Variants in BTF3L4 observed in about 807,000 individuals in gnomAD.
BTF3L4 encodes the protein transcription factor BTF3 homolog 4.
Under a neutral mutation model 16.8 loss-of-function variants are expected in BTF3L4, and 6 were observed. The observed-to-expected ratio is 0.36, with a 90% confidence interval of 0.20 to 0.71. BTF3L4 has a LOEUF of 0.71. Ranked by LOEUF, BTF3L4 falls within the 30% of genes least tolerant of loss-of-function variation. The pLI is 0.58. For missense variants in BTF3L4, 92 were observed against 186.9 expected (o/e 0.49, Z 2.96); for synonymous variants, 39 against 59.8 (o/e 0.65, Z 1.60).
intron 3 of BTF3L4, among the ~76,000 whole-genome samples, chr1:52,066,497 C>G (rs903319787): frequency 3.3e-5 from 5 of 151,420 alleles, no homozygotes; most frequent in South Asian, 2.1e-4. Context: ...CCACTGCACC[C>G]AGCCAGTTCC....
At chr1:52,081,440 A>G (rs1643921101) in intron 3 of BTF3L4, among the ~76,000 whole-genome samples, 2 of 152,190 alleles carry the variant, frequency 1.3e-5, no homozygotes, top group South Asian at 2.1e-4. Flanking sequence ...CCTCTTTTAA[A>G]CCACGTGATT....
rs866759041 is a variant in BTF3L4 at position 52,069,258 on chromosome 1, C to T, written c.168+4320C>T. On this transcript the variant is annotated intron_variant, in intron 3 of 5. Transcript: ENST00000313334. ...AGTTTTACTTTTTGTTCTTCTTTCC[C>T]TCTTTCTAAAATTGATTTTTTGAGA... Among the ~76,000 whole-genome samples the T allele has an allele frequency of 2.1e-4, 32 of 152,134 alleles. No individual in the cohort carries two copies. In the Middle Eastern group the frequency reaches 0.01, roughly 49 times the overall value.
chr1:52,083,255 C>T, intron 3 of BTF3L4, 85 bp from the exon 4 acceptor site: 1 of 1,137,168 alleles, frequency 8.8e-7, no homozygotes, highest in Non-Finnish European at 1.3e-6. Context: ...AGTAAAGAAC[C>T]ATAATTGGCT....
chr1:52,067,641 C>A (rs1242210062), intron 3 of BTF3L4, among the ~76,000 whole-genome samples: 1 of 152,124 alleles, frequency 6.6e-6, no homozygotes, highest in Non-Finnish European at 1.5e-5. Flanking sequence ...TTTTAAAAAT[C>A]TAAAACTTGG....
intron 3 of BTF3L4, among the ~76,000 whole-genome samples, chr1:52,074,131 C>T (rs1263381836): frequency 6.6e-6 from 1 of 151,756 alleles, no homozygotes; most frequent in African/African-American, 2.4e-5. Context: ...CACCACTGCA[C>T]TTCCAGCCTG....
At chr1:52,086,007 C>A in intron 4 of BTF3L4, 105 bp from the exon 5 acceptor site, 2 of 609,338 alleles carry the variant, frequency 3.3e-6, no homozygotes, top group Non-Finnish European at 5.2e-6. Context: ...TTAGCTATTT[C>A]TGAGCAACTC....
rs926560878 is a variant in BTF3L4, at chr1:52,090,081, C to T, written c.*3323C>T. 3 of 152,178 alleles carry T rather than the reference C, an allele frequency of 2.0e-5. No individual in the cohort carries two copies. The highest frequency in any genetic ancestry group is 4.4e-5 in the Non-Finnish European group (3 of 68,042). 9.4% of individuals were successfully genotyped at this position (152,178 alleles called of 1,614,324 possible). ...TCTGCTATCTACCCTTACATTGTAA[C>T]CTTTCTGACAGGGCTGCTGCGGTGC... On this transcript the variant is annotated 3_prime_UTR_variant, in exon 6 of 6. Transcript: ENST00000313334.
intron 1 of BTF3L4, among the ~76,000 whole-genome samples, chr1:52,057,334 A>G (rs1444549223): frequency 1.3e-5 from 2 of 152,248 alleles, no homozygotes; most frequent in Non-Finnish European, 2.9e-5. Flanking sequence ...AAACCTGTTT[A>G]CACCCTTTCT....
At chr1:52,082,262 A>G (rs1643931423) in intron 3 of BTF3L4, among the ~76,000 whole-genome samples, 1 of 152,244 alleles carries the variant, frequency 6.6e-6, no homozygotes, top group South Asian at 2.1e-4. Context: ...GTCCCAGGCA[A>G]TGGATGAAAT....
chr1:52,079,911 G>T lies in BTF3L4; in HGVS notation c.169-3429G>T, dbSNP rs1199697631. 9.1e-5 allele frequency among the ~76,000 whole-genome samples: 12 copies of T among 132,316 alleles called. No homozygotes were observed. The East Asian group carries it at 1.1e-3, about 12-fold the overall frequency. The allele number at this position is 132,316 out of a possible 152,430, so 86.8% of individuals were successfully genotyped here. A position where few individuals can be genotyped will look rare whatever the true frequency, so the allele number is the denominator to read the frequency against. ...TTTTGAGACAGGGTCTCGCTCTGTC[G>T]CCCAGGCTAGAGTGCAATGGCATGA... On this transcript the variant is annotated intron_variant, in intron 3 of 5. Transcript: ENST00000313334.
intron 2 of BTF3L4, among the ~76,000 whole-genome samples, chr1:52,061,931 C>T (rs1315373262): frequency 9.3e-5 from 14 of 150,302 alleles, no homozygotes; most frequent in African/African-American, 1.7e-4. Flanking sequence ...CGTGAGCCAC[C>T]GTGCCCGGCC....
At chr1:52,085,762 T>C (rs1643966563) in intron 4 of BTF3L4, among the ~76,000 whole-genome samples, 1 of 152,048 alleles carries the variant, frequency 6.6e-6, no homozygotes, top group Admixed American at 6.6e-5. Flanking sequence ...GGAGAATTGC[T>C]TGAACTTGGG....
chr1:52,072,021 T>G (rs994283320), intron 3 of BTF3L4, among the ~76,000 whole-genome samples: 1 of 12,946 alleles, frequency 7.7e-5, no homozygotes, highest in African/African-American at 8.1e-5. Context: ...TTAGCCAGGG[T>G]TTTTTTTTGT....
At chr1:52,075,251 A>G (rs1203059996) in intron 3 of BTF3L4, among the ~76,000 whole-genome samples, 1 of 151,928 alleles carries the variant, frequency 6.6e-6, no homozygotes, top group Non-Finnish European at 1.5e-5. Flanking sequence ...GAACTTTTCT[A>G]TATATAAATA....
intron 4 of BTF3L4, among the ~76,000 whole-genome samples, chr1:52,083,755 C>A (rs1341563754): frequency 6.6e-6 from 1 of 152,094 alleles, no homozygotes; most frequent in Non-Finnish European, 1.5e-5. Flanking sequence ...CGTGGTGGCT[C>A]ATGCCTGTAT....
chr1:52,070,299 ATTGGTATAATAGTTCAT>A (rs138950929), intron 3 of BTF3L4, among the ~76,000 whole-genome samples: 137,515 of 149,322 alleles, frequency 0.92, 64,207 homozygotes, highest in Non-Finnish European at 1. Flanking sequence ...ATAATAGTTC[ATTGGTATAATAGTTCAT>A]TTGGTATAAT....
chr1:52,068,929 C>T (rs1349652479), intron 3 of BTF3L4, among the ~76,000 whole-genome samples: 2 of 152,174 alleles, frequency 1.3e-5, no homozygotes, highest in African/African-American at 4.8e-5. Context: ...TGTATGCCTC[C>T]ACAATGCCCT....
intron 3 of BTF3L4, among the ~76,000 whole-genome samples, chr1:52,069,519 A>C (rs927749929): frequency 6.6e-6 from 1 of 152,204 alleles, no homozygotes; most frequent in Non-Finnish European, 1.5e-5. Flanking sequence ...ACATTAATTA[A>C]AACTTTGTTA....
intron 3 of BTF3L4, among the ~76,000 whole-genome samples, chr1:52,072,698 G>A (rs148752214): frequency 1.4e-4 from 22 of 152,168 alleles, no homozygotes; most frequent in East Asian, 5.8e-4. Flanking sequence ...CATTGTATGC[G>A]TATACCACAT....
Sources: allele counts gnomAD v4.1 joint callset (sites outside exome capture counted in the v4.1 genomes callset), GRCh38; gene constraint gnomAD v4.1.1; transcripts MANE v1.5; gene names NCBI Gene and HGNC (gene_info 2026-07-23, HGNC 2026-07-21).